The following NRDC variants were observed in gnomAD, a reference collection of about 807,000 sequenced individuals.
NRDC encodes the protein nardilysin convertase, also known as nardilysin.
Under a neutral mutation model 147.1 loss-of-function variants are expected in NRDC, and 54 were observed. The ratio of observed to expected loss-of-function variants is 0.37; its 90% CI spans 0.29 to 0.46. The LOEUF (loss-of-function observed/expected upper bound fraction) is 0.46, where lower values mean the gene tolerates loss of function less well. NRDC is among the 20% of genes least tolerant of loss of function. The pLI, the probability that NRDC is intolerant of heterozygous loss-of-function variation, is 1.00. For missense variants in NRDC, 1,082 were observed against 1,370.6 expected (o/e 0.79, Z 3.33); for synonymous variants, 440 against 482.1 (o/e 0.91, Z 1.14).
At chr1:51,869,448 G>A (rs1682977643) in intron 1 of NRDC, among the ~76,000 whole-genome samples, 1 of 151,990 alleles carries the variant, frequency 6.6e-6, no homozygotes, top group Admixed American at 6.6e-5. Context: ...ATATGAATAC[G>A]TGAAAAACTA....
chr1:51,873,141 A>C (rs972663259), intron 1 of NRDC, among the ~76,000 whole-genome samples: 1 of 150,384 alleles, frequency 6.6e-6, no homozygotes, highest in African/African-American at 2.5e-5. Context: ...AATATCAACA[A>C]ATAAACCTAT....
chr1:51,838,199 A>T (rs1039180117), intron 2 of NRDC, among the ~76,000 whole-genome samples: 1 of 152,214 alleles, frequency 6.6e-6, no homozygotes, highest in Non-Finnish European at 1.5e-5. Flanking sequence ...TATAAGGATT[A>T]TATCACACTG....
Position 51,809,371 on chromosome 1 carries a change from T to A in NRDC, c.1934A>T (p.Asn645Ile). ...DIENSWAELWNSNFELNPDLH... is the reference protein window; with the variant it reads ...DIENSWAELWISNFELNPDLH... ...ATCTGGATTTAATTCGAAATTACTATTCCACAGTTCAGCCCAAGAGTTTTC... is the reference window on the plus strand; with the variant it reads ...ATCTGGATTTAATTCGAAATTACTAATCCACAGTTCAGCCCAAGAGTTTTC... The change falls in exon 17 of 31, where the codon AAT becomes ATT. Residue 645 changes from asparagine (N) to isoleucine (I), a missense_variant. By Grantham distance (149) the Asn-to-Ile change is moderately radical. Around this residue, in one of 3 missense-constraint regions of NRDC, gnomAD observed 635 missense variants for 923.8 expected, o/e 0.69. Coordinates refer to ENST00000352171, the MANE Select transcript of NRDC (RefSeq NM_001101662.2). 6.2e-7 allele frequency: 1 copy of A among 1,613,682 alleles called. No individual in the cohort carries two copies. The highest frequency in any genetic ancestry group is 8.5e-7 in the Non-Finnish European group (1 of 1,179,630).
chr1:51,833,972 G>A (rs773867965), intron 4 of NRDC, 45 bp downstream of exon 4: 2 of 1,526,052 alleles, frequency 1.3e-6, no homozygotes, highest in Non-Finnish European at 1.8e-6. Context: ...CATTTGCAAA[G>A]TGCCATTAGA....
At chr1:51,835,290 A>ACC (rs1680901436) in intron 3 of NRDC, among the ~76,000 whole-genome samples, 1 of 151,728 alleles carries the variant, frequency 6.6e-6, no homozygotes, top group African/African-American at 2.4e-5. Flanking sequence ...CGAACTCCTG[A>ACC]CCTCAGGTGA....
intron 1 of NRDC, among the ~76,000 whole-genome samples, chr1:51,876,630 T>G (rs1683341080): frequency 6.6e-6 from 1 of 152,192 alleles, no homozygotes; most frequent in Non-Finnish European, 1.5e-5. Context: ...TACAATCACA[T>G]CTTTGATGAG....
intron 1 of NRDC, among the ~76,000 whole-genome samples, chr1:51,865,000 T>A (rs1181776387): frequency 1.3e-5 from 2 of 150,806 alleles, no homozygotes; most frequent in East Asian, 1.9e-4. Context: ...TATAATAAAA[T>A]TTTTAGAATA....
intron 1 of NRDC, among the ~76,000 whole-genome samples, chr1:51,876,158 A>C (rs1683315727): frequency 6.6e-6 from 1 of 152,190 alleles, no homozygotes; most frequent in Non-Finnish European, 1.5e-5. Flanking sequence ...ATATAACTTT[A>C]TATAGGCTGG....
At position 51,847,763 on chromosome 1, in the gene NRDC, C is replaced by T. The variant is rs563337964; in HGVS notation, c.342-7249G>A. On this transcript the variant is annotated intron_variant, in intron 1 of 30. Coordinates refer to ENST00000352171, the MANE Select transcript of NRDC (RefSeq NM_001101662.2). ...CCGTGCCTCTCCCTCCACACCTCCC[C>T]GCAGGCTGAGGGAGCCGGCTCCAGC... is the stretch of plus-strand genomic sequence containing the variant. 6.6e-5 allele frequency among the ~76,000 whole-genome samples: 10 copies of T among 152,286 alleles called. No homozygotes were observed. In the South Asian group the frequency reaches 1.0e-3, roughly 16 times the overall value.
intron 1 of NRDC, among the ~76,000 whole-genome samples, chr1:51,868,785 A>C (rs1273379604): frequency 6.6e-6 from 1 of 152,074 alleles, no homozygotes; most frequent in Non-Finnish European, 1.5e-5. Context: ...AAGTGGGAGG[A>C]TCACTTGAGC....
intron 1 of NRDC, among the ~76,000 whole-genome samples, chr1:51,848,406 G>A (rs1048739295): frequency 3.3e-5 from 5 of 152,126 alleles, no homozygotes; most frequent in South Asian, 2.1e-4. Context: ...GCGTGAACCC[G>A]GGAGGCGGAG....
At chr1:51,873,987 G>A (rs973359577) in intron 1 of NRDC, among the ~76,000 whole-genome samples, 1 of 151,108 alleles carries the variant, frequency 6.6e-6, no homozygotes, top group South Asian at 2.1e-4. Flanking sequence ...TCAGGAGTTC[G>A]AGACCAGCCT....
intron 11 of NRDC, chr1:51,815,780 G>A (rs906455942): frequency 6.6e-6 from 1 of 152,090 alleles, no homozygotes; most frequent in Non-Finnish European, 1.5e-5. Flanking sequence ...TATTAGTCTT[G>A]ATTCTAAAAT....
Position 51,805,578 on chromosome 1 carries a change from C to G in NRDC, c.2111-17G>C. 2 of 1,541,262 alleles carry G rather than the reference C, an allele frequency of 1.3e-6. No homozygotes were observed. Among genetic ancestry groups the G allele is most frequent in the Non-Finnish European group, 1.8e-6 (2 of 1,141,466 alleles). ...GTATATATGCTAAAAGAAAAAAGAC[C>G]ATAGATAAAAAAGGTTAGGGGCCTC... On this transcript the variant is annotated splice_polypyrimidine_tract_variant and intron_variant, in intron 18 of 30. Transcript: ENST00000352171.
At chr1:51,822,534 C>T (rs887786506) in intron 7 of NRDC, among the ~76,000 whole-genome samples, 3 of 152,120 alleles carry the variant, frequency 2.0e-5, no homozygotes, top group Non-Finnish European at 4.4e-5. Context: ...GAGCAAAACC[C>T]TGTCTTGCTA....
At chr1:51,853,461 C>T (rs905611641) in intron 1 of NRDC, among the ~76,000 whole-genome samples, 2 of 152,130 alleles carry the variant, frequency 1.3e-5, no homozygotes, top group Non-Finnish European at 2.9e-5. Flanking sequence ...GTAAACAAGT[C>T]CACATACTCA....
intron 5 of NRDC, among the ~76,000 whole-genome samples, chr1:51,826,431 G>A (rs1206484273): frequency 6.6e-6 from 1 of 152,034 alleles, no homozygotes; most frequent in Admixed American, 6.6e-5. Flanking sequence ...GACCATATTT[G>A]GAAAGGAAAC....
intron 22 of NRDC, chr1:51,795,186 T>G: frequency 7.5e-7 from 1 of 1,341,620 alleles, no homozygotes; most frequent in South Asian, 1.2e-5. Context: ...TGTTTCAGAA[T>G]CCTGGGCCCA....
intron 15 of NRDC, 50 bp downstream of exon 15, chr1:51,811,944 C>A: frequency 8.4e-7 from 1 of 1,193,344 alleles, no homozygotes; most frequent in South Asian, 1.3e-5. Flanking sequence ...CGTACTTTCT[C>A]ACCCTCCTCT....
Sources: gnomAD v4.1 joint callset for allele counts (sites outside exome capture counted in the v4.1 genomes callset) on GRCh38, gnomAD v4.1.1 for gene constraint, gnomAD v4.1.1 regional missense constraint, MANE v1.5 for transcripts, NCBI Gene and HGNC (gene_info 2026-07-23, HGNC 2026-07-21) for gene names.